Variants in HNRNPAB observed in about 807,000 individuals in gnomAD.
HNRNPAB encodes the protein heterogeneous nuclear ribonucleoprotein A/B, also known as ABBP-1.
Under a neutral mutation model 44.1 loss-of-function variants are expected in HNRNPAB, and 17 were observed. The ratio of observed to expected loss-of-function variants is 0.39; its 90% CI spans 0.26 to 0.58. The LOEUF (loss-of-function observed/expected upper bound fraction) is 0.58. Among genes scored for constraint, HNRNPAB ranks in the 20% least tolerant of loss-of-function variants. HNRNPAB has a pLI of 0.63. For synonymous variants in HNRNPAB, 183 were observed against 167.6 expected, an observed-to-expected ratio of 1.09 and a Z score of -0.71; for missense variants, 393 against 432.7, an observed-to-expected ratio of 0.91 and a Z score of 0.81.
intron 2 of HNRNPAB, 41 bp downstream of exon 2, chr5:178,205,087 C>T (rs1021909843): frequency 2.0e-5 from 24 of 1,184,314 alleles, no homozygotes; most frequent in Non-Finnish European, 2.5e-5. Flanking sequence ...CGCCTTTGTT[C>T]CGGGGCCGCC....
intron 5 of HNRNPAB, chr5:178,208,950 C>T (rs1373304944): frequency 5.3e-6 from 1 of 187,858 alleles, no homozygotes; most frequent in Admixed American, 5.6e-5. Flanking sequence ...ACCTCATTGT[C>T]TAAGGCCCCT....
intron 2 of HNRNPAB, 134 bp from the exon 3 acceptor site, chr5:178,205,707 CA>C: frequency 1.3e-6 from 1 of 764,836 alleles, no homozygotes; most frequent in East Asian, 2.7e-5. Context: ...GGAGATTTAA[CA>C]TCTTTCTAAG....
At chr5:178,206,449 G>C (rs902370159) in intron 3 of HNRNPAB, among the ~76,000 whole-genome samples, 1 of 152,164 alleles carries the variant, frequency 6.6e-6, no homozygotes, top group Non-Finnish European at 1.5e-5. Flanking sequence ...CCTATGCTCC[G>C]AGTCCCTGCT....
chr5:178,206,000 G>A lies in HNRNPAB; in HGVS notation c.368G>A (p.Ser123Asn). Reference protein sequence around the residue: ...FGFILFKDAASVEKVLDQKEH... With the variant: ...FGFILFKDAANVEKVLDQKEH... The stretch of plus-strand genomic sequence containing the variant: ...TTTATCCTGTTCAAAGATGCAGCCA[G>A]TGTGGAGAAGGTAAGCTGGGTACTG... Residue 123 changes from serine (S) to asparagine (N), a missense_variant, in exon 3 of 8, where the codon AGT becomes AAT. Around this residue, in one of 3 missense-constraint regions of HNRNPAB, gnomAD observed 102 missense variants for 162.3 expected, o/e 0.63. Transcript: ENST00000358344. 3 of 1,613,748 alleles carry A rather than the reference G, an allele frequency of 1.9e-6. No homozygotes were observed. Among genetic ancestry groups the A allele is most frequent in the Non-Finnish European group, 2.5e-6 (3 of 1,179,824 alleles).
chr5:178,205,730 A>G, intron 2 of HNRNPAB, 112 bp from the exon 3 acceptor site: 1 of 955,932 alleles, frequency 1.0e-6, no homozygotes, highest in Non-Finnish European at 1.6e-6. Flanking sequence ...TGCTCCTTGC[A>G]GACTCTAAGG....
At chr5:178,209,580 T>C in intron 6 of HNRNPAB, 133 bp downstream of exon 6, 1 of 727,596 alleles carries the variant, frequency 1.4e-6, no homozygotes, top group Non-Finnish European at 2.4e-6. Flanking sequence ...CGAACAGGAA[T>C]AGGAACGGCT....
At chr5:178,205,273 G>C (rs1280652096) in intron 2 of HNRNPAB, among the ~76,000 whole-genome samples, 3 of 150,784 alleles carry the variant, frequency 2.0e-5, no homozygotes, top group African/African-American at 7.3e-5. Flanking sequence ...CCGCTCGCGC[G>C]CTGCCAGGGC....
intron 2 of HNRNPAB, 62 bp downstream of exon 2, chr5:178,205,108 G>T: frequency 8.8e-7 from 1 of 1,142,632 alleles, no homozygotes; most frequent in Non-Finnish European, 1.1e-6. Flanking sequence ...TTTTGTTGGC[G>T]CCACGCGGCG....
chr5:178,209,179 T>TA, intron 5 of HNRNPAB, 151 bp from the exon 6 acceptor site: 2 of 698,330 alleles, frequency 2.9e-6, no homozygotes, highest in Non-Finnish European at 5.2e-6. Flanking sequence ...CCATGAGCTT[T>TA]AGCCCAAAGG....
chr5:178,204,935 G>C lies in HNRNPAB; in HGVS notation c.98G>C (p.Gly33Ala), dbSNP rs945997540. Residue 33 changes from glycine to alanine, a missense_variant, in exon 2 of 8, where the codon GGC (glycine) becomes GCC (alanine). Physicochemically the swap from Gly to Ala is moderately conservative, Grantham distance 60. Coordinates refer to ENST00000358344, the MANE Select transcript of HNRNPAB (RefSeq NM_031266.3). Reference sequence around the variant, plus strand: ...GAAGGCGAGTCGCCGGCCGGGGCTGGCACGGGCGCCGCGGCGGGGGCTGGA... The same window carrying C: ...GAAGGCGAGTCGCCGGCCGGGGCTGCCACGGGCGCCGCGGCGGGGGCTGGA... ...VPEGESPAGA[G>A]TGAAAGAGGA... The C allele has an allele frequency of 1.2e-4, 144 of 1,210,674 alleles. No individual in the cohort carries two copies. The African/African-American group carries it at 1.9e-3, about 16-fold the overall frequency. 75.0% of individuals were successfully genotyped at this position (1,210,674 alleles called of 1,614,324 possible). A position where few individuals can be genotyped will look rare whatever the true frequency, so the allele number is the denominator to read the frequency against.
chr5:178,208,677 T>C (rs1757253833), intron 5 of HNRNPAB: 1 of 152,258 alleles, frequency 6.6e-6, no homozygotes, highest in African/African-American at 2.4e-5. Context: ...CAGGAGCACT[T>C]TAAAGTATCC....
intron 5 of HNRNPAB, chr5:178,208,633 T>C (rs532544664): frequency 1.3e-5 from 2 of 152,260 alleles, no homozygotes; most frequent in African/African-American, 4.8e-5. Context: ...GGATTTTCTT[T>C]AGAAATACAC....
chr5:178,207,774 C>T (rs1757148828), intron 5 of HNRNPAB, among the ~76,000 whole-genome samples: 1 of 144,756 alleles, frequency 6.9e-6, no homozygotes, highest in Non-Finnish European at 1.5e-5. Flanking sequence ...ACAATCATGG[C>T]TCACTGCAAC....
chr5:178,210,064 T>C (rs1245676425), intron 6 of HNRNPAB, 68 bp from the exon 7 acceptor site: 2 of 1,583,684 alleles, frequency 1.3e-6, no homozygotes, highest in African/African-American at 2.7e-5. Context: ...AAGGGCAGGA[T>C]TTCCTCCATC....
At position 178,210,960 on chromosome 5, in the gene HNRNPAB, AC is replaced by A; in HGVS notation, c.*339del. ...TAAAGAGTAAATTGTATCTTAGGAA[AC>A]CAGTGTCACCTTTTTTTCACCTTTT... On this transcript the variant is annotated 3_prime_UTR_variant, in exon 8 of 8. Coordinates refer to ENST00000358344, the MANE Select transcript of HNRNPAB (RefSeq NM_031266.3). 3.4e-6 allele frequency: 1 copy of A among 290,988 alleles called. No individual in the cohort carries two copies. Among genetic ancestry groups the A allele is most frequent in the Non-Finnish European group, 6.4e-6 (1 of 156,210 alleles). 18.0% of individuals were successfully genotyped at this position (290,988 alleles called of 1,614,324 possible).
At chr5:178,207,858 A>G (rs1472969524) in intron 5 of HNRNPAB, among the ~76,000 whole-genome samples, 3 of 151,872 alleles carry the variant, frequency 2.0e-5, no homozygotes, top group African/African-American at 7.3e-5. Context: ...ATGTACCACC[A>G]TGCCTGGCTC....
In HNRNPAB at chr5:178,204,956, C is replaced by T. The variant is rs1454380939; in HGVS notation, c.119C>T (p.Ala40Val). 1.1e-5 allele frequency: 13 copies of T among 1,209,170 alleles called. No individual in the cohort carries two copies. The highest frequency in any genetic ancestry group is 1.1e-5 in the Non-Finnish European group (11 of 973,648). The allele number at this position is 1,209,170 out of a possible 1,614,324, so 74.9% of individuals were successfully genotyped here. ...GCTGGCACGGGCGCCGCGGCGGGGG[C>T]TGGAGGCGCGACCGCGGCGCCCCCG... is the stretch of plus-strand genomic sequence containing the variant. ...AGAGTGAAAG[A>V]GGATAAPPSG... is the part of the protein sequence containing the mutation. The change falls in exon 2 of 8, where the codon GCT becomes GTT. Residue 40 changes from alanine to valine, a missense_variant. This residue lies in a region of HNRNPAB where 81 missense variants were observed against 73.4 expected (regional missense o/e 1.10). Transcript: ENST00000358344.
chr5:178,205,252 C>T lies in HNRNPAB; in HGVS notation c.209+206C>T, dbSNP rs1301994152. 1.7e-4 allele frequency among the ~76,000 whole-genome samples: 26 copies of T among 151,020 alleles called. 1 individual carries two copies. The highest frequency in any genetic ancestry group is 6.0e-4 in the African/African-American group (25 of 41,418). On this transcript the variant is annotated intron_variant, in intron 2 of 7. Coordinates refer to ENST00000358344, the MANE Select transcript of HNRNPAB (RefSeq NM_031266.3). ...GGAGTTTGTTGGGTCGACTTTGGCG[C>T]CGCCCCGGGGCCGCTCGCGCGCTGC...
intron 2 of HNRNPAB, 106 bp from the exon 3 acceptor site, chr5:178,205,736 T>G (rs1757030672): frequency 9.5e-7 from 1 of 1,049,540 alleles, no homozygotes; most frequent in Admixed American, 2.2e-5. Context: ...TTGCAGACTC[T>G]AAGGGTAGCT....
Sources: allele counts gnomAD v4.1 joint callset (sites outside exome capture counted in the v4.1 genomes callset), GRCh38; gene constraint gnomAD v4.1.1; regional missense constraint gnomAD v4.1.1; transcripts MANE v1.5; gene names NCBI Gene and HGNC (gene_info 2026-07-23, HGNC 2026-07-21).